The following UNC13C variants were observed in gnomAD, a reference collection of about 807,000 sequenced individuals.
UNC13C encodes the protein unc-13 homolog C.
UNC13C carries 174 observed loss-of-function variants against 245.4 expected under a neutral mutation model. That is an observed-to-expected ratio of 0.71 (90% confidence interval 0.63 to 0.80). The LOEUF (loss-of-function observed/expected upper bound fraction) is 0.80. Among genes scored for constraint, UNC13C ranks in the 30% least tolerant of loss-of-function variants. UNC13C has a pLI of 0.00. For synonymous variants in UNC13C, 992 were observed against 895.1 expected (o/e 1.11, Z -1.93); for missense variants, 2,829 against 2,602.9 (o/e 1.09, Z -1.89).
At chr15:54,487,905 C>T (rs1024466148) in intron 19 of UNC13C, among the ~76,000 whole-genome samples, 10 of 151,606 alleles carry the variant, frequency 6.6e-5, no homozygotes, top group African/African-American at 2.4e-4. Context: ...TTTTTCCTGA[C>T]ATATTACGTA....
the UNC13C span, among the ~76,000 whole-genome samples, chr15:53,838,676 A>G: frequency 6.6e-6 from 1 of 152,024 alleles, no homozygotes; most frequent in African/African-American, 2.4e-5. Context: ...TTTAGGATAT[A>G]TGCACTATTT....
chr15:54,416,282 G>A (rs1234905588), intron 19 of UNC13C, among the ~76,000 whole-genome samples: 1 of 152,124 alleles, frequency 6.6e-6, no homozygotes, highest in African/African-American at 2.4e-5. Context: ...TAGCGTTCGT[G>A]TTTATCATGC....
At chr15:54,004,422 T>G (rs899898980) in intron 1 of UNC13C, among the ~76,000 whole-genome samples, 1 of 152,232 alleles carries the variant, frequency 6.6e-6, no homozygotes, top group East Asian at 1.9e-4. Context: ...GATGGACACT[T>G]AGGTTGCTTC....
chr15:54,303,857 A>T (rs952137148), intron 13 of UNC13C, among the ~76,000 whole-genome samples: 3 of 152,104 alleles, frequency 2.0e-5, no homozygotes, highest in African/African-American at 7.2e-5. Context: ...TCCAGGGCAC[A>T]GGTAGAGGAG....
intron 26 of UNC13C, among the ~76,000 whole-genome samples, chr15:54,535,029 GCAA>G (rs1566893985): frequency 6.6e-6 from 1 of 152,008 alleles, no homozygotes; most frequent in Non-Finnish European, 1.5e-5. Context: ...AGCTAAAGAC[GCAA>G]CAACAGGATA....
At chr15:54,610,980 CTG>C (rs1245839601) in intron 30 of UNC13C, among the ~76,000 whole-genome samples, 2 of 152,264 alleles carry the variant, frequency 1.3e-5, no homozygotes, top group East Asian at 1.9e-4. Flanking sequence ...AGCATTAAAA[CTG>C]TTTTAATCTT....
chr15:54,265,582 C>G, intron 10 of UNC13C, 86 bp downstream of exon 10: 1 of 1,062,452 alleles, frequency 9.4e-7, no homozygotes, highest in Non-Finnish European at 1.3e-6. Context: ...CAATAATTAT[C>G]TCATTTTTTA....
the UNC13C span, among the ~76,000 whole-genome samples, chr15:53,949,936 T>A: frequency 4.6e-5 from 7 of 152,332 alleles, no homozygotes; most frequent in East Asian, 1.2e-3. Context: ...AATTTGACCT[T>A]AAGCTCTGCT....
intron 2 of UNC13C, among the ~76,000 whole-genome samples, chr15:54,104,594 G>A (rs921603565): frequency 3.9e-5 from 6 of 151,944 alleles, no homozygotes; most frequent in African/African-American, 1.5e-4. Context: ...ATTTCTAACA[G>A]TCAAGAGTTC....
rs111642946 is a variant in UNC13C, at chr15:54,077,659, C to T, written c.2983+61773C>T. On this transcript the variant is annotated intron_variant, in intron 2 of 32. Coordinates refer to ENST00000260323, the MANE Select transcript of UNC13C (RefSeq NM_001080534.3). ...GTGCTGGGATTACAGGCATGAGCCACCATGCCCGGCCAACTACTTCTCAAA... is the reference window on the plus strand; with the variant it reads ...GTGCTGGGATTACAGGCATGAGCCATCATGCCCGGCCAACTACTTCTCAAA... Among the ~76,000 whole-genome samples the T allele has an allele frequency of 8.2e-3, 1,254 of 152,190 alleles. 28 individuals carry two copies. The highest frequency in any genetic ancestry group is 0.029 in the African/African-American group (1,186 of 41,510).
chr15:53,883,034 A>T, the UNC13C span, among the ~76,000 whole-genome samples: 1 of 152,120 alleles, frequency 6.6e-6, no homozygotes, highest in South Asian at 2.1e-4. Flanking sequence ...CACATCCCGC[A>T]CATGTACCCC....
At chr15:54,171,990 T>C (rs766403615) in intron 4 of UNC13C, among the ~76,000 whole-genome samples, 3 of 152,032 alleles carry the variant, frequency 2.0e-5, no homozygotes, top group Non-Finnish European at 4.4e-5. Flanking sequence ...TTATGGTAAA[T>C]GAAATAAACC....
At chr15:53,923,944 C>T in the UNC13C span, among the ~76,000 whole-genome samples, 1 of 152,320 alleles carries the variant, frequency 6.6e-6, no homozygotes, top group Admixed American at 6.5e-5. Flanking sequence ...CGGTGGCTCG[C>T]GCCTGTAATC....
the UNC13C span, among the ~76,000 whole-genome samples, chr15:53,901,281 A>G: frequency 6.9e-6 from 1 of 144,428 alleles, no homozygotes; most frequent in Non-Finnish European, 1.5e-5. Context: ...GTGCAGTGGC[A>G]CGATCTCAGC....
chr15:53,925,376 A>G, the UNC13C span, among the ~76,000 whole-genome samples: 2 of 152,316 alleles, frequency 1.3e-5, 1 homozygote, highest in African/African-American at 4.8e-5. Context: ...TTCAAACCCC[A>G]AAGGGTCTGT....
At chr15:54,023,598 G>A (rs1895988206) in intron 2 of UNC13C, among the ~76,000 whole-genome samples, 1 of 152,066 alleles carries the variant, frequency 6.6e-6, no homozygotes, top group Non-Finnish European at 1.5e-5. Flanking sequence ...TTTTATAGAA[G>A]GTAAGAAATT....
intron 30 of UNC13C, among the ~76,000 whole-genome samples, chr15:54,576,419 G>A (rs1226817630): frequency 6.6e-6 from 1 of 152,188 alleles, no homozygotes; most frequent in Admixed American, 6.5e-5. Flanking sequence ...CTTCTGTTCA[G>A]GAGATGATCT....
At chr15:54,421,778 A>G (rs900397619) in intron 19 of UNC13C, among the ~76,000 whole-genome samples, 2 of 152,030 alleles carry the variant, frequency 1.3e-5, no homozygotes, top group African/African-American at 4.8e-5. Context: ...GATAAAAATG[A>G]TCACCAAAGG....
chr15:54,182,570 G>C (rs1269888350), intron 4 of UNC13C, among the ~76,000 whole-genome samples: 1 of 151,992 alleles, frequency 6.6e-6, no homozygotes, highest in Non-Finnish European at 1.5e-5. Context: ...TTTTGGAATA[G>C]TTTCAGTTGA....
Sources: gnomAD v4.1 joint callset for allele counts (sites outside exome capture counted in the v4.1 genomes callset) on GRCh38, gnomAD v4.1.1 for gene constraint, MANE v1.5 for transcripts, NCBI Gene and HGNC (gene_info 2026-07-23, HGNC 2026-07-21) for gene names.